The following DNAH12 variants were observed in gnomAD, a reference collection of about 807,000 sequenced individuals.
The protein encoded by DNAH12 is axonemal beta dynein heavy chain 12.
A neutral mutation model predicts 371.5 loss-of-function variants in DNAH12; 285 were observed. The observed-to-expected ratio is 0.77, with a 90% CI of 0.70 to 0.85. DNAH12 has a LOEUF of 0.85. Ranked by LOEUF, DNAH12 falls within the 40% of genes least tolerant of loss-of-function variation. The pLI, the probability that DNAH12 is intolerant of heterozygous loss-of-function variation, is 0.00. For synonymous variants in DNAH12, 1,200 were observed against 1,213.0 expected (o/e 0.99, Z 0.22); for missense variants, 3,611 against 3,689.4 (o/e 0.98, Z 0.55).
intron 60 of DNAH12, among the ~76,000 whole-genome samples, chr3:57,348,250 T>C (rs1413294325): frequency 6.6e-6 from 1 of 152,044 alleles, no homozygotes; most frequent in East Asian, 1.9e-4. Context: ...AAAAATCCCA[T>C]CTGAAAAGGC....
At chr3:57,481,357 T>C (rs1015943985) in intron 13 of DNAH12, among the ~76,000 whole-genome samples, 10 of 152,164 alleles carry the variant, frequency 6.6e-5, no homozygotes, top group Non-Finnish European at 1.5e-4. Context: ...GGAATCCAAC[T>C]TACAAGGGAC....
At chr3:57,548,458 C>T (rs561600086), upstream of DNAH12, among the ~76,000 whole-genome samples, 47 of 152,230 alleles carry the variant, frequency 3.1e-4, no homozygotes, top group South Asian at 7.3e-3. Flanking sequence ...CTTGTAATCC[C>T]AGCACTTTGG....
intron 11 of DNAH12, chr3:57,498,351 C>A: frequency 3.3e-6 from 2 of 601,756 alleles, no homozygotes. Flanking sequence ...GAGTTTTGCT[C>A]TGTCACTCAA....
intron 13 of DNAH12, among the ~76,000 whole-genome samples, chr3:57,479,215 G>A (rs2066647275): frequency 6.6e-6 from 1 of 152,096 alleles, no homozygotes. Flanking sequence ...AAAATAAAGG[G>A]ATGGAGGATG....
intron 29 of DNAH12, among the ~76,000 whole-genome samples, chr3:57,443,961 T>G (rs2065393434): frequency 1.3e-5 from 2 of 152,154 alleles, no homozygotes; most frequent in African/African-American, 4.8e-5. Flanking sequence ...CCCAGCACTT[T>G]GGGAGGCCAA....
rs189817754 is a variant in DNAH12, at chr3:57,475,072, T to C, written c.1651-2401A>G. Among the ~76,000 whole-genome samples the C allele has an allele frequency of 2.0e-5, 3 of 152,332 alleles. No homozygotes were observed. The East Asian group carries it at 5.8e-4, about 29-fold the overall frequency. On this transcript the variant is annotated intron_variant, in intron 13 of 73. Coordinates refer to ENST00000495027, the MANE Select transcript of DNAH12 (RefSeq NM_001366028.2). ...ATGGTCTCTTCAATAAATATGTATT[T>C]GCTCATCTATATGGGAAAATATTTA...
chr3:57,496,225 G>C (rs2067316357), intron 11 of DNAH12, among the ~76,000 whole-genome samples: 1 of 151,740 alleles, frequency 6.6e-6, no homozygotes, highest in Admixed American at 6.6e-5. Flanking sequence ...CTTTATGAGA[G>C]ACCTTGAGCC....
At chr3:57,366,630 A>G (rs1225474947) in intron 57 of DNAH12, 99 bp downstream of exon 57, 17 of 152,234 alleles carry the variant, frequency 1.1e-4, no homozygotes, top group African/African-American at 4.1e-4. Flanking sequence ...ACAAAGTATA[A>G]AATTTGACAA....
intron 65 of DNAH12, among the ~76,000 whole-genome samples, chr3:57,319,851 A>C (rs801162): frequency 1 from 152,082 of 152,112 alleles, 76,026 homozygotes; most frequent in Non-Finnish European, 1. Context: ...TCCCAAAGTG[A>C]CAGGATTACA....
chr3:57,340,639 T>C (rs188829264), intron 60 of DNAH12, among the ~76,000 whole-genome samples: 6 of 152,258 alleles, frequency 3.9e-5, no homozygotes, highest in African/African-American at 9.6e-5. Context: ...TAATGAGTAA[T>C]GAGATTGAAT....
intron 23 of DNAH12, among the ~76,000 whole-genome samples, chr3:57,454,014 C>T (rs1428179449): frequency 6.6e-5 from 10 of 152,042 alleles, no homozygotes; most frequent in Admixed American, 6.6e-4. Context: ...GAGGCTGAGG[C>T]AACAGGATAG....
chr3:57,346,304 G>A (rs1209148955), intron 60 of DNAH12, among the ~76,000 whole-genome samples: 1 of 152,164 alleles, frequency 6.6e-6, no homozygotes. Context: ...AGGCACGGGG[G>A]AGGGGAAACT....
intron 39 of DNAH12, 49 bp from the exon 40 acceptor site, chr3:57,408,584 A>C: frequency 7.0e-7 from 1 of 1,428,690 alleles, no homozygotes; most frequent in Non-Finnish European, 9.2e-7. Context: ...TAAAGACATT[A>C]AGATGGGATG....
At chr3:57,304,104 T>C (rs2061420136) in intron 69 of DNAH12, among the ~76,000 whole-genome samples, 1 of 145,218 alleles carries the variant, frequency 6.9e-6, no homozygotes, top group African/African-American at 2.5e-5. Flanking sequence ...GACTGTAATT[T>C]TCCTTTACCT....
At chr3:57,303,628 T>G (rs2061409543) in intron 69 of DNAH12, among the ~76,000 whole-genome samples, 1 of 152,088 alleles carries the variant, frequency 6.6e-6, no homozygotes, top group African/African-American at 2.4e-5. Context: ...AAGCTGGGAT[T>G]TCAGGGCTCA....
intron 8 of DNAH12, 112 bp downstream of exon 8, chr3:57,507,531 A>C: frequency 1.3e-6 from 1 of 768,244 alleles, no homozygotes; most frequent in Non-Finnish European, 1.9e-6. Flanking sequence ...ATTACAGTAG[A>C]AATATTTTAT....
At chr3:57,422,202 C>T (rs1205103413) in intron 35 of DNAH12, among the ~76,000 whole-genome samples, 1 of 151,370 alleles carries the variant, frequency 6.6e-6, no homozygotes. Context: ...CATAAGCTAC[C>T]GTGCCTGGCC....
rs72872514 is a variant in DNAH12 at position 57,536,580 on chromosome 3, A to G, written c.170+6121T>C. On this transcript the variant is annotated intron_variant, in intron 2 of 73. Coordinates refer to ENST00000495027, the MANE Select transcript of DNAH12 (RefSeq NM_001366028.2). ...CATGAAGTAGAAAATGTGCCTGGATATCCTCCTCCTTTCTTTGTTAATCTT... is the reference window on the plus strand; with the variant it reads ...CATGAAGTAGAAAATGTGCCTGGATGTCCTCCTCCTTTCTTTGTTAATCTT... Among the ~76,000 whole-genome samples, 1,050 of 152,250 alleles carry G rather than the reference A, an allele frequency of 6.9e-3. 14 individuals carry two copies. The highest frequency in any genetic ancestry group is 0.024 in the African/African-American group (977 of 41,558).
At chr3:57,492,789 A>G (rs2067175174) in intron 11 of DNAH12, among the ~76,000 whole-genome samples, 1 of 152,122 alleles carries the variant, frequency 6.6e-6, no homozygotes, top group African/African-American at 2.4e-5. Context: ...CAGGTGGATC[A>G]TGATCAGGAG....
Sources: gnomAD v4.1 joint callset for allele counts (sites outside exome capture counted in the v4.1 genomes callset) on GRCh38, gnomAD v4.1.1 for gene constraint, MANE v1.5 for transcripts, NCBI Gene and HGNC (gene_info 2026-07-23, HGNC 2026-07-21) for gene names.